PLXNA1: variants seen among roughly 807,000 people sequenced by gnomAD.
PLXNA1 encodes plexin A1.
In PLXNA1, 77 loss-of-function variants were observed where a neutral mutation model predicts 191.7. The ratio of observed to expected loss-of-function variants is 0.40; its 90% CI spans 0.33 to 0.49. The LOEUF (loss-of-function observed/expected upper bound fraction) is 0.49. Ranked by LOEUF, PLXNA1 falls within the 20% of genes least tolerant of loss-of-function variation. The probability of loss-of-function intolerance (pLI) is 0.63; values close to 1 mark genes in which losing one functional copy is unlikely to be tolerated. For synonymous variants in PLXNA1, 1,137 were observed against 1,156.4 expected, an observed-to-expected ratio of 0.98 and a Z score of 0.34; for missense variants, 2,110 against 2,660.2, an observed-to-expected ratio of 0.79 and a Z score of 4.55.
At chr3:126,992,785 T>A (rs553422522) in intron 3 of PLXNA1, among the ~76,000 whole-genome samples, 1 of 151,886 alleles carries the variant, frequency 6.6e-6, no homozygotes, top group African/African-American at 2.4e-5. Context: ...CTGAGTTGGG[T>A]CCTCTGCTGT....
At chr3:127,000,252 AG>A (rs2079033445) in intron 3 of PLXNA1, among the ~76,000 whole-genome samples, 1 of 152,108 alleles carries the variant, frequency 6.6e-6, no homozygotes, top group African/African-American at 2.4e-5. Context: ...GGAAGATTCC[AG>A]GGCATGCCTG....
In PLXNA1 at chr3:127,016,500, C is replaced by T; in HGVS notation, c.3015-17C>T. The T allele has an allele frequency of 2.5e-6, 4 of 1,612,880 alleles. No individual in the cohort carries two copies. Among genetic ancestry groups the T allele is most frequent in the Non-Finnish European group, 2.5e-6 (3 of 1,179,648 alleles). ...TCCACCCGTGTGCTCCTCACTGTCC[C>T]ACTCGGGCACCTCCAGGAGGAACTC... On this transcript the variant is annotated splice_polypyrimidine_tract_variant and intron_variant, in intron 15 of 31. Coordinates refer to ENST00000393409, the MANE Select transcript of PLXNA1 (RefSeq NM_032242.4).
intron 3 of PLXNA1, among the ~76,000 whole-genome samples, chr3:127,000,973 G>A (rs2079037301): frequency 6.6e-6 from 1 of 152,186 alleles, no homozygotes; most frequent in South Asian, 2.1e-4. Context: ...GTGAAGGGGT[G>A]GAGGTGGCAG....
chr3:127,007,687 C>T, intron 8 of PLXNA1, 112 bp from the exon 9 acceptor site: 1 of 677,734 alleles, frequency 1.5e-6, no homozygotes, highest in Non-Finnish European at 2.6e-6. Context: ...AGTGCCAAGA[C>T]CCTGAGGTGG....
rs575117474 is a variant in PLXNA1, at chr3:127,017,908, G to T, written c.3660+16G>T. ...CAAGGTCACGGTGCGTCTGTCCACCGGGGGTGCAGAGCTGGGAGAGCCATG... is the reference window on the plus strand; with the variant it reads ...CAAGGTCACGGTGCGTCTGTCCACCTGGGGTGCAGAGCTGGGAGAGCCATG... On this transcript the variant is annotated intron_variant, in intron 19 of 31. Transcript: ENST00000393409. The T allele has an allele frequency of 2.2e-5, 35 of 1,610,764 alleles. No homozygotes were observed. The Admixed American group carries it at 4.7e-4, about 21-fold the overall frequency.
At chr3:126,994,930 G>T (rs551779285) in intron 3 of PLXNA1, among the ~76,000 whole-genome samples, 1 of 152,064 alleles carries the variant, frequency 6.6e-6, no homozygotes, top group Non-Finnish European at 1.5e-5. Context: ...ACAGGGCCCC[G>T]CCTCCTGCCT....
intron 3 of PLXNA1, among the ~76,000 whole-genome samples, chr3:126,998,840 G>A (rs1004895102): frequency 6.6e-6 from 1 of 152,176 alleles, no homozygotes; most frequent in African/African-American, 2.4e-5. Flanking sequence ...GGGGTTGGGG[G>A]TGGAAGAGAT....
At position 127,028,317 on chromosome 3, in the gene PLXNA1, C is replaced by A; in HGVS notation, c.4646C>A (p.Pro1549His). The change falls in exon 25 of 32, where the codon CCC becomes CAC. Residue 1549 changes from proline to histidine, a missense_variant. Coordinates refer to ENST00000393409, the MANE Select transcript of PLXNA1 (RefSeq NM_032242.4). ...AYKGVPYSQRPKAADMDLEWR... is the reference protein window; with the variant it reads ...AYKGVPYSQRHKAADMDLEWR... ...AAGGGCGTGCCCTACTCCCAGCGGC[C>A]CAAGGCCGCGGACATGGACCTGGGT... 6.2e-7 allele frequency: 1 copy of A among 1,611,964 alleles called. No homozygotes were observed. Among genetic ancestry groups the A allele is most frequent in the Non-Finnish European group, 8.5e-7 (1 of 1,179,824 alleles).
intron 5 of PLXNA1, 44 bp downstream of exon 5, chr3:127,004,755 G>T: frequency 6.3e-7 from 1 of 1,585,816 alleles, no homozygotes; most frequent in Non-Finnish European, 8.6e-7. Context: ...GAGGGCCATG[G>T]TGGTCTCACA....
At chr3:127,033,386 G>A (rs953411376) in intron 31 of PLXNA1, among the ~76,000 whole-genome samples, 6 of 152,210 alleles carry the variant, frequency 3.9e-5, no homozygotes, top group Non-Finnish European at 8.8e-5. Flanking sequence ...AGAAGGCCAC[G>A]GGAGTGAACC....
chr3:126,996,738 G>A (rs962783070), intron 3 of PLXNA1, among the ~76,000 whole-genome samples: 2 of 152,198 alleles, frequency 1.3e-5, no homozygotes, highest in African/African-American at 2.4e-5. Flanking sequence ...GGGACAAGGG[G>A]AGTTGATTTC....
chr3:126,992,415 C>T (rs1488345349), intron 3 of PLXNA1, among the ~76,000 whole-genome samples: 3 of 151,950 alleles, frequency 2.0e-5, no homozygotes, highest in Admixed American at 2.0e-4. Context: ...CCCATGTGTG[C>T]CCGCGAGTGG....
chr3:127,006,690 G>A (rs1428897214), intron 8 of PLXNA1, among the ~76,000 whole-genome samples: 3 of 152,160 alleles, frequency 2.0e-5, no homozygotes, highest in South Asian at 2.1e-4. Context: ...ACTGTTGGAC[G>A]ATGCAGCATC....
At chr3:127,033,661 G>T (rs1370806751) in intron 31 of PLXNA1, among the ~76,000 whole-genome samples, 3 of 152,188 alleles carry the variant, frequency 2.0e-5, no homozygotes, top group Non-Finnish European at 4.4e-5. Context: ...TGAGGACTGG[G>T]TGGGGACATG....
At chr3:126,990,559 G>A (rs149862304) in intron 2 of PLXNA1, among the ~76,000 whole-genome samples, 2 of 152,344 alleles carry the variant, frequency 1.3e-5, no homozygotes, top group East Asian at 1.9e-4. Flanking sequence ...TGGGACCCCC[G>A]AGGCCAGGCC....
At chr3:127,029,177 T>A in intron 26 of PLXNA1, 81 bp downstream of exon 26, 1 of 1,146,714 alleles carries the variant, frequency 8.7e-7, no homozygotes, top group Non-Finnish European at 1.3e-6. Flanking sequence ...GTTTGCAGCA[T>A]GTGGGCTGGA....
chr3:127,028,780 C>T, intron 25 of PLXNA1: 1 of 589,172 alleles, frequency 1.7e-6, no homozygotes, highest in Non-Finnish European at 3.0e-6. Context: ...GGGCAGACCC[C>T]CTTAGGCTGG....
intron 8 of PLXNA1, among the ~76,000 whole-genome samples, chr3:127,006,870 AGAG>A (rs2107628267): frequency 6.6e-6 from 1 of 152,304 alleles, no homozygotes; most frequent in East Asian, 1.9e-4. Context: ...CTGTGAGCCC[AGAG>A]GAGAGCCCTC....
At chr3:127,003,703 C>G (rs1201045113) in intron 4 of PLXNA1, among the ~76,000 whole-genome samples, 1 of 152,234 alleles carries the variant, frequency 6.6e-6, no homozygotes, top group Non-Finnish European at 1.5e-5. Flanking sequence ...ATTGCTGCCT[C>G]CATGTTCTCC....
Sources: gnomAD v4.1 joint callset for allele counts (sites outside exome capture counted in the v4.1 genomes callset) on GRCh38, gnomAD v4.1.1 for gene constraint, MANE v1.5 for transcripts, NCBI Gene and HGNC (gene_info 2026-07-23, HGNC 2026-07-21) for gene names.